The following ZGRF1 variants were observed in gnomAD, a reference collection of about 807,000 sequenced individuals.
ZGRF1 encodes 5'-3' DNA helicase ZGRF1.
Under a neutral mutation model 203.5 loss-of-function variants are expected in ZGRF1, and 196 were observed. That is an observed-to-expected ratio of 0.96 (90% CI 0.86 to 1.08). The LOEUF (loss-of-function observed/expected upper bound fraction) is 1.08, where lower values mean the gene tolerates loss of function less well. ZGRF1 is among the 50% of genes least tolerant of loss of function. The pLI, the probability that ZGRF1 is intolerant of heterozygous loss-of-function variation, is 0.00. For synonymous variants in ZGRF1, 809 were observed against 841.3 expected (o/e 0.96, Z 0.66); for missense variants, 2,326 against 2,416.3 (o/e 0.96, Z 0.78).
chr4:112,604,873 A>G (rs147324869), intron 9 of ZGRF1, among the ~76,000 whole-genome samples: 1 of 152,354 alleles, frequency 6.6e-6, no homozygotes, highest in African/African-American at 2.4e-5. Context: ...ACAGAGTCAA[A>G]GGAATGTAGG....
chr4:112,581,678 A>C lies in ZGRF1; in HGVS notation c.4423T>G (p.Ser1475Ala). Residue 1475 changes from serine to alanine, a missense_variant, in exon 16 of 28, where the codon TCA (serine) becomes GCA (alanine). Physicochemically the swap from Ser to Ala is moderately conservative, Grantham distance 99 (BLOSUM62 1). Coordinates refer to ENST00000505019, the MANE Select transcript of ZGRF1 (RefSeq NM_018392.5). ...YLKLSRKERS[S>A]AYSKNDLWVV... ...ATCAACTTACTTTTGCTATAAGCTG[A>C]AGATCTTTCCTTCCGACTTAGCTTA... is the stretch of plus-strand genomic sequence containing the variant. 1 of 1,580,010 alleles carries C rather than the reference A, an allele frequency of 6.3e-7. No homozygotes were observed. Among genetic ancestry groups the C allele is most frequent in the East Asian group, 2.3e-5 (1 of 42,580 alleles).
chr4:112,582,651 C>T (rs1361659798), intron 15 of ZGRF1, among the ~76,000 whole-genome samples: 1 of 151,882 alleles, frequency 6.6e-6, no homozygotes, highest in African/African-American at 2.4e-5. Flanking sequence ...CATGAGACGA[C>T]GTTTCATCAT....
At chr4:112,560,236 G>A (rs562373596) in intron 19 of ZGRF1, among the ~76,000 whole-genome samples, 6 of 152,098 alleles carry the variant, frequency 3.9e-5, no homozygotes, top group African/African-American at 1.4e-4. Flanking sequence ...AGAACCAAGC[G>A]GTAAGAATAG....
intron 24 of ZGRF1, among the ~76,000 whole-genome samples, chr4:112,542,311 A>G (rs1363260395): frequency 1.4e-4 from 22 of 152,194 alleles, no homozygotes; most frequent in Admixed American, 1.4e-3. Context: ...TAAAGAAATG[A>G]CTAAATTATG....
Position 112,633,225 on chromosome 4 carries a change from T to G in ZGRF1, c.-49A>C, listed in dbSNP as rs756073603. 4 of 1,470,732 alleles carry G rather than the reference T, an allele frequency of 2.7e-6. No homozygotes were observed. In the South Asian group the frequency reaches 4.7e-5, roughly 17 times the overall value. The allele number at this position is 1,470,732 out of a possible 1,614,324, so 91.1% of individuals were successfully genotyped here. The stretch of plus-strand genomic sequence containing the variant: ...AGCTGGGTCCAGAAAATAGGAAATA[T>G]TCAACTATTTATACCACCTAAAATT... On this transcript the variant is annotated 5_prime_UTR_variant, in exon 2 of 28. Transcript: ENST00000505019.
At chr4:112,545,742 A>G (rs1401639023) in intron 24 of ZGRF1, among the ~76,000 whole-genome samples, 1 of 152,210 alleles carries the variant, frequency 6.6e-6, no homozygotes, top group African/African-American at 2.4e-5. Context: ...TATCAACAGA[A>G]ATGTAGTACA....
At chr4:112,602,402 T>C (rs1013278959) in intron 10 of ZGRF1, among the ~76,000 whole-genome samples, 1 of 152,216 alleles carries the variant, frequency 6.6e-6, no homozygotes, top group African/African-American at 2.4e-5. Flanking sequence ...GGTAAAGATG[T>C]AGAGTGATGG....
chr4:112,591,791 T>C (rs1748204685), intron 10 of ZGRF1, among the ~76,000 whole-genome samples: 1 of 152,292 alleles, frequency 6.6e-6, no homozygotes, highest in South Asian at 2.1e-4. Context: ...TTGCCTAAAA[T>C]AGAACTCCAC....
intron 10 of ZGRF1, among the ~76,000 whole-genome samples, chr4:112,598,825 T>A (rs532086731): frequency 4.6e-5 from 7 of 151,978 alleles, no homozygotes; most frequent in Non-Finnish European, 1.0e-4. Flanking sequence ...TCAAGGCAGG[T>A]GTATCGGTTG....
At chr4:112,630,713 G>A (rs941038282) in intron 3 of ZGRF1, among the ~76,000 whole-genome samples, 2 of 151,906 alleles carry the variant, frequency 1.3e-5, no homozygotes, top group East Asian at 1.9e-4. Flanking sequence ...ACAACATGGC[G>A]AAACCGTCTC....
chr4:112,613,275 G>A (rs1279472154), intron 6 of ZGRF1, among the ~76,000 whole-genome samples: 4 of 152,094 alleles, frequency 2.6e-5, no homozygotes, highest in African/African-American at 7.2e-5. Flanking sequence ...GCCTGGGTGA[G>A]AGTGAGACCA....
chr4:112,543,859 A>AT (rs938677447), intron 24 of ZGRF1, among the ~76,000 whole-genome samples: 41 of 152,054 alleles, frequency 2.7e-4, no homozygotes, highest in Non-Finnish European at 5.0e-4. Flanking sequence ...TATTTAAAAA[A>AT]TTTTTTTGGT....
chr4:112,564,962 G>A lies in ZGRF1; in HGVS notation c.4439-1688C>T, dbSNP rs920033732. 4.9e-6 allele frequency: 4 copies of A among 820,764 alleles called. No individual in the cohort carries two copies. The Admixed American group carries it at 7.1e-5, about 15-fold the overall frequency. 50.8% of individuals were successfully genotyped at this position (820,764 alleles called of 1,614,324 possible). A position where few individuals can be genotyped will look rare whatever the true frequency, so the allele number is the denominator to read the frequency against. On this transcript the variant is annotated intron_variant, in intron 16 of 27. Transcript: ENST00000505019. ...ACCAAGCTCCAGCCGAAGGAGAAAT[G>A]AGGTAAGTAAGGAGGTCTCTGTACC...
intron 9 of ZGRF1, among the ~76,000 whole-genome samples, chr4:112,604,667 G>C (rs1289540079): frequency 6.6e-6 from 1 of 152,188 alleles, no homozygotes; most frequent in Non-Finnish European, 1.5e-5. Flanking sequence ...TCAGTAGAAA[G>C]ATGTGATATC....
chr4:112,570,315 G>A (rs1578312426), intron 16 of ZGRF1, among the ~76,000 whole-genome samples: 1 of 152,112 alleles, frequency 6.6e-6, no homozygotes, highest in Admixed American at 6.5e-5. Context: ...TAGGCTAGTC[G>A]TGGTGGCTCA....
At position 112,625,530 on chromosome 4, in the gene ZGRF1, A is replaced by G. The variant is rs184296471; in HGVS notation, c.103-1654T>C. Among the ~76,000 whole-genome samples, 964 of 148,742 alleles carry G rather than the reference A, an allele frequency of 6.5e-3. 16 individuals are homozygous for G. The highest frequency in any genetic ancestry group is 0.022 in the African/African-American group (871 of 40,224). ...AAACCCGGGAGGCGGAGCTTGCAGT[A>G]AGCCGAGATCGCGCCACTGCACTCC... On this transcript the variant is annotated intron_variant, in intron 3 of 27. Coordinates refer to ENST00000505019, the MANE Select transcript of ZGRF1 (RefSeq NM_018392.5).
intron 8 of ZGRF1, among the ~76,000 whole-genome samples, chr4:112,607,023 C>T (rs1245500786): frequency 1.3e-5 from 2 of 152,256 alleles, no homozygotes; most frequent in East Asian, 3.9e-4. Flanking sequence ...TAGTATATTT[C>T]TTCAAATAAT....
intron 22 of ZGRF1, among the ~76,000 whole-genome samples, chr4:112,552,276 C>CAAAA (rs893477924): frequency 4.0e-5 from 4 of 99,484 alleles, no homozygotes. Context: ...GACTCTGGCT[C>CAAAA]AAAAAAAAAA....
chr4:112,623,381 T>C (rs1331330739), intron 4 of ZGRF1, among the ~76,000 whole-genome samples: 2 of 152,308 alleles, frequency 1.3e-5, no homozygotes, highest in East Asian at 1.9e-4. Context: ...CCAGTTATAG[T>C]ACTCCTGGGT....
Sources: gnomAD v4.1 joint callset for allele counts (sites outside exome capture counted in the v4.1 genomes callset) on GRCh38, gnomAD v4.1.1 for gene constraint, MANE v1.5 for transcripts, NCBI Gene and HGNC (gene_info 2026-07-23, HGNC 2026-07-21) for gene names.